The following TTC14 variants were observed in gnomAD, a reference collection of about 807,000 sequenced individuals.
TTC14 encodes tetratricopeptide repeat domain 14.
A neutral mutation model predicts 79.9 loss-of-function variants in TTC14; 63 were observed. That is an observed-to-expected ratio of 0.79 (90% CI 0.64 to 0.97). The LOEUF is 0.97. Ranked by LOEUF, TTC14 falls within the 50% of genes least tolerant of loss-of-function variation. The pLI is 0.00. For synonymous variants in TTC14, 335 were observed against 309.6 expected, an observed-to-expected ratio of 1.08 and a Z score of -0.86; for missense variants, 895 against 894.0, an observed-to-expected ratio of 1.00 and a Z score of -0.01.
At position 180,610,166 on chromosome 3, in the gene TTC14, G is replaced by T; in HGVS notation, c.1937G>T (p.Arg646Ile). 1 of 1,613,126 alleles carries T rather than the reference G, an allele frequency of 6.2e-7. No individual in the cohort carries two copies. The change falls in exon 12 of 12, where the codon AGA (arginine) becomes ATA (isoleucine). Residue 646 changes from arginine (R) to isoleucine (I), a missense_variant. By Grantham distance (97) the Arg-to-Ile change is moderately conservative (BLOSUM62 -3). Transcript: ENST00000296015. The stretch of plus-strand genomic sequence containing the variant: ...GAGGACAAGATTTATGGTTATAGGA[G>T]ATTTGAAAAGGATATAGAGGGAAGA... ...NSEDKIYGYR[R>I]FEKDIEGRKE... is the part of the protein sequence containing the mutation.
chr3:180,604,878 C>A lies in TTC14; in HGVS notation c.728C>A (p.Ser243Tyr), dbSNP rs761414878. The A allele has an allele frequency of 4.5e-5, 73 of 1,612,568 alleles. No individual in the cohort carries two copies. Among genetic ancestry groups the A allele is most frequent in the Non-Finnish European group, 6.1e-5 (72 of 1,179,626 alleles). The stretch of plus-strand genomic sequence containing the variant: ...AGAAGTGTTGAGCTAAATAGCAATT[C>A]TTTGGAGTCCTATGAAAATGTCATG... ...YRRSVELNSN[S>Y]LESYENVMQS... Residue 243 changes from serine (S) to tyrosine (Y), a missense_variant, in exon 6 of 12, where the codon TCT becomes TAT. By Grantham distance (144) the Ser-to-Tyr change is moderately radical (BLOSUM62 -2). Coordinates refer to ENST00000296015, the MANE Select transcript of TTC14 (RefSeq NM_133462.4).
At chr3:180,602,464 G>C (rs1286230504) in intron 1 of TTC14, 42 bp downstream of exon 1, 3 of 1,538,450 alleles carry the variant, frequency 2.0e-6, no homozygotes, top group Non-Finnish European at 2.6e-6. Flanking sequence ...AAGAGGGGAC[G>C]CAGCTCTGGC....
intron 11 of TTC14, 22 bp from the exon 12 acceptor site, chr3:180,609,608 A>G: frequency 6.6e-7 from 1 of 1,520,384 alleles, no homozygotes; most frequent in Non-Finnish European, 8.8e-7. Context: ...TATATATATG[A>G]CAAATGAACT....
chr3:180,608,685 A>G lies in TTC14; in HGVS notation c.1291-16A>G, dbSNP rs748249908. On this transcript the variant is annotated splice_polypyrimidine_tract_variant and intron_variant, in intron 10 of 11. Coordinates refer to ENST00000296015, the MANE Select transcript of TTC14 (RefSeq NM_133462.4). Reference sequence around the variant, plus strand: ...TTTTTAACGTGTGGTTTTTTTCGATATCTGGGTTCTAAAAGAAATCTTTGG... The same window carrying G: ...TTTTTAACGTGTGGTTTTTTTCGATGTCTGGGTTCTAAAAGAAATCTTTGG... 135 of 1,503,578 alleles carry G rather than the reference A, an allele frequency of 9.0e-5. No homozygotes were observed. The highest frequency in any genetic ancestry group is 1.0e-4 in the Non-Finnish European group (115 of 1,131,958). 93.1% of individuals were successfully genotyped at this position (1,503,578 alleles called of 1,614,324 possible). A position where few individuals can be genotyped will look rare whatever the true frequency, so the allele number is the denominator to read the frequency against.
At chr3:180,608,417 C>A in intron 10 of TTC14, 5 of 973,540 alleles carry the variant, frequency 5.1e-6, no homozygotes, top group East Asian at 1.1e-4. Flanking sequence ...TTTAACCTTT[C>A]TTGCACTCTG....
At chr3:180,606,736 T>A in intron 9 of TTC14, 133 bp downstream of exon 9, 1 of 1,109,560 alleles carries the variant, frequency 9.0e-7, no homozygotes, top group East Asian at 2.5e-5. Context: ...AATGGGAAAG[T>A]ACAAGAGATT....
intron 12 of TTC14, chr3:180,616,484 TAAG>T: frequency 4.6e-6 from 7 of 1,507,940 alleles, no homozygotes; most frequent in Non-Finnish European, 6.2e-6. Flanking sequence ...ATGAAGTTTT[TAAG>T]AAATATTTAA....
At chr3:180,608,653 T>C (rs1576922973) in intron 10 of TTC14, 48 bp from the exon 11 acceptor site, 1 of 1,447,668 alleles carries the variant, frequency 6.9e-7, no homozygotes, top group East Asian at 2.6e-5. Flanking sequence ...TTTTATATAT[T>C]CTGCTATTTT....
In TTC14 at chr3:180,617,435, A is replaced by G. The variant is rs546677210; in HGVS notation, c.1830A>G (p.Ser610=). ...TAAAACAGCCTCAGGCAGGTCCTTCAGGAGATATTCCAGAAGAGGGCATTG... is the reference window on the plus strand; with the variant it reads ...TAAAACAGCCTCAGGCAGGTCCTTCGGGAGATATTCCAGAAGAGGGCATTG... Residue 610 remains serine, a synonymous_variant, in exon 13 of 13, where the codon TCA becomes TCG. Transcript: ENST00000382584. 1.1e-4 allele frequency: 76 copies of G among 683,828 alleles called. No homozygotes were observed. In the African/African-American group the frequency reaches 1.3e-3, roughly 12 times the overall value. 42.4% of individuals were successfully genotyped at this position (683,828 alleles called of 1,614,324 possible).
Position 180,609,684 on chromosome 3 carries a change from T to C in TTC14, c.1455T>C (p.Asp485=), listed in dbSNP as rs1244825848. The C allele has an allele frequency of 5.6e-6, 9 of 1,596,124 alleles. No individual in the cohort carries two copies. The highest frequency in any genetic ancestry group is 7.7e-6 in the Non-Finnish European group (9 of 1,175,500). ...CTTCTTCAAGTGTTTCTTCTGCTGATGAATCAGTGTCTTCATCATCATCCT... is the reference window on the plus strand; with the variant it reads ...CTTCTTCAAGTGTTTCTTCTGCTGACGAATCAGTGTCTTCATCATCATCCT... The part of the protein sequence containing the change: ...STSSSSVSSA[D]ESVSSSSSSS... The change falls in exon 12 of 12, where the codon GAT becomes GAC. Residue 485 remains aspartate (D), a synonymous_variant. Transcript: ENST00000296015.
chr3:180,616,354 C>A lies in TTC14; in HGVS notation c.1775-1026C>A, dbSNP rs757823891. 28 of 1,611,702 alleles carry A rather than the reference C, an allele frequency of 1.7e-5. No individual in the cohort carries two copies. Among genetic ancestry groups the A allele is most frequent in the Admixed American group, 1.0e-4 (6 of 59,842 alleles). On this transcript the variant is annotated intron_variant, in intron 12 of 12. Transcript: ENST00000382584. ...CCTTTTGTGCTAGCTGTAGGTAGTT[C>A]TAACCCACTCTGGAGGAATATTCAA... is the stretch of plus-strand genomic sequence containing the variant.
chr3:180,604,653 CT>C, intron 5 of TTC14, 46 bp downstream of exon 5: 1 of 1,564,470 alleles, frequency 6.4e-7, no homozygotes, highest in Middle Eastern at 2.1e-4. Context: ...ACAAAAGTCT[CT>C]TGGATTGAGG....
Position 180,609,746 on chromosome 3 carries a change from A to C in TTC14, c.1517A>C (p.Lys506Thr). The change falls in exon 12 of 12, where the codon AAG (lysine) becomes ACG (threonine). Residue 506 changes from lysine (K) to threonine (T), a missense_variant. Physicochemically the swap from Lys to Thr is moderately conservative, Grantham distance 78 (BLOSUM62 -1). Transcript: ENST00000296015. ...GGTCACAAAAGGCATAAGAAACATA[A>C]GAGGAACCGTTCAGAGTCTTCTCGC... is the stretch of plus-strand genomic sequence containing the variant. ...SSGHKRHKKH[K>T]RNRSESSRSS... is the part of the protein sequence containing the mutation. The C allele has an allele frequency of 6.2e-7, 1 of 1,613,980 alleles. No homozygotes were observed. The highest frequency in any genetic ancestry group is 8.5e-7 in the Non-Finnish European group (1 of 1,179,914).
At chr3:180,609,269 AG>A in intron 11 of TTC14, 1 of 942,798 alleles carries the variant, frequency 1.1e-6, no homozygotes, top group Non-Finnish European at 1.3e-6. Context: ...CCCCCTACCA[AG>A]AATTATTTGG....
At chr3:180,617,116 G>A (rs539807899) in intron 12 of TTC14, 3 of 562,140 alleles carry the variant, frequency 5.3e-6, no homozygotes, top group East Asian at 5.9e-5. Context: ...TGACATCTCG[G>A]TCAATGATGG....
At position 180,607,530 on chromosome 3, in the gene TTC14, A is replaced by G. The variant is rs1443655674; in HGVS notation, c.1173-118A>G. On this transcript the variant is annotated intron_variant, in intron 9 of 11. Transcript: ENST00000296015. ...ATATTATTTTGGTATTTTATTTTGG[A>G]AAATAATTTACTTGGCTTTTCCCTA... The G allele has an allele frequency of 1.9e-5, 25 of 1,344,858 alleles. No homozygotes were observed. In the East Asian group the frequency reaches 6.3e-4, roughly 34 times the overall value. The allele number at this position is 1,344,858 out of a possible 1,614,324, so 83.3% of individuals were successfully genotyped here. A position where few individuals can be genotyped will look rare whatever the true frequency, so the allele number is the denominator to read the frequency against.
chr3:180,616,863 T>G (rs1295389866), intron 12 of TTC14: 1 of 1,607,074 alleles, frequency 6.2e-7, no homozygotes, highest in African/African-American at 1.3e-5. Context: ...CTTCTGCTCC[T>G]CCGTTTCTTT....
In TTC14 at chr3:180,607,648, G is replaced by T. The variant is rs1288316341; in HGVS notation, c.1173G>T (p.Gln391His). Reference sequence around the variant, plus strand: ...AGCTAAATCTTTCTTTCAAATTTAGGTTAGAAGAAGAAGAAAAGTTTTTAA... The same window carrying T: ...AGCTAAATCTTTCTTTCAAATTTAGTTTAGAAGAAGAAGAAAAGTTTTTAA... ...LCQTLVERGG[Q>H]LEEEEKFLNA... The change falls in exon 10 of 12, where the codon CAG (glutamine) becomes CAT (histidine). Residue 391 changes from glutamine (Q) to histidine (H), a missense_variant and splice_region_variant. Coordinates refer to ENST00000296015, the MANE Select transcript of TTC14 (RefSeq NM_133462.4). The T allele has an allele frequency of 6.3e-7, 1 of 1,598,792 alleles. No individual in the cohort carries two copies. Among genetic ancestry groups the T allele is most frequent in the Non-Finnish European group, 8.5e-7 (1 of 1,175,178 alleles).
intron 7 of TTC14, 38 bp downstream of exon 7, chr3:180,605,875 G>A: frequency 1.3e-6 from 2 of 1,560,096 alleles, no homozygotes; most frequent in Middle Eastern, 1.7e-4. Context: ...ATTATATCTA[G>A]TCTAAAAGCT....
Sources: gnomAD v4.1 joint callset for allele counts on GRCh38, gnomAD v4.1.1 for gene constraint, MANE v1.5 for transcripts, NCBI Gene and HGNC (gene_info 2026-07-23, HGNC 2026-07-21) for gene names.